REPS2: variants seen among roughly 807,000 people sequenced by gnomAD.
REPS2 encodes ralBP1-associated Eps domain-containing protein 2.
A neutral mutation model predicts 53.6 loss-of-function variants in REPS2; 23 were observed. That is an observed-to-expected ratio of 0.43 (90% CI 0.31 to 0.61). The LOEUF (loss-of-function observed/expected upper bound fraction) is 0.61. REPS2 is among the 20% of genes least tolerant of loss of function. REPS2 has a pLI of 0.11. For synonymous variants in REPS2, 238 were observed against 218.6 expected (o/e 1.09, Z -0.78); for missense variants, 446 against 534.9 (o/e 0.83, Z 1.64).
At position 17,125,725 on chromosome X, in the gene REPS2, G is replaced by A. The variant is rs776333232; in HGVS notation, c.1579-8099G>A. Among the ~76,000 whole-genome samples the A allele has an allele frequency of 2.7e-5, 3 of 113,092 alleles. No homozygotes were observed. The South Asian group carries it at 1.1e-3, about 41-fold the overall frequency. Reference sequence around the variant, plus strand: ...ATGGGCGAACTAACCCAGTTATGTTGCAGAGGTAAATTGGAGCCAGAGGAT... The same window carrying A: ...ATGGGCGAACTAACCCAGTTATGTTACAGAGGTAAATTGGAGCCAGAGGAT... On this transcript the variant is annotated intron_variant, in intron 14 of 17. Transcript: ENST00000357277.
rs2063564625 is a variant in REPS2, at chrX:17,151,032, C to T, written c.*3551C>T. 1 of 112,345 alleles carries T rather than the reference C, an allele frequency of 8.9e-6. No individual in the cohort carries two copies. Among genetic ancestry groups the T allele is most frequent in the Non-Finnish European group, 1.9e-5 (1 of 53,258 alleles). The allele number at this position is 112,345 out of a possible 1,213,427, so 9.3% of individuals were successfully genotyped here. A position where few individuals can be genotyped will look rare whatever the true frequency, so the allele number is the denominator to read the frequency against. ...GAGCTATTTGTTTTCCTGAACACCT[C>T]ACCTTTTATGATGCAATAAGTTACT... On this transcript the variant is annotated 3_prime_UTR_variant, in exon 18 of 18. Transcript: ENST00000357277.
intron 1 of REPS2, among the ~76,000 whole-genome samples, chrX:16,951,930 A>T (rs2060519540): frequency 8.9e-6 from 1 of 111,848 alleles, no homozygotes; most frequent in Non-Finnish European, 1.9e-5. Flanking sequence ...TTAAAATTCA[A>T]AAATGGGAAC....
intron 1 of REPS2, among the ~76,000 whole-genome samples, chrX:17,002,799 G>A (rs1250221854): frequency 1.8e-5 from 2 of 112,003 alleles, no homozygotes; most frequent in Non-Finnish European, 3.8e-5. Context: ...CTAGGGCCAG[G>A]ATAAAGAATG....
chrX:17,117,606 A>G (rs2063073680), intron 14 of REPS2, among the ~76,000 whole-genome samples: 1 of 110,918 alleles, frequency 9.0e-6, no homozygotes, highest in African/African-American at 3.3e-5. Context: ...ACATGAACTC[A>G]TCATTTTTTA....
intron 1 of REPS2, among the ~76,000 whole-genome samples, chrX:16,996,374 C>T (rs1172862856): frequency 9.0e-6 from 1 of 111,537 alleles, no homozygotes; most frequent in Non-Finnish European, 1.9e-5. Context: ...CATGGTGATG[C>T]AGGGGACCTG....
chrX:16,962,656 G>A (rs971105009), intron 1 of REPS2, among the ~76,000 whole-genome samples: 8 of 111,725 alleles, frequency 7.2e-5, no homozygotes, highest in African/African-American at 2.6e-4. Context: ...GTAGATTTTA[G>A]GTGCTCTTAC....
At chrX:17,055,896 C>A (rs1238532431) in intron 8 of REPS2, among the ~76,000 whole-genome samples, 1 of 100,204 alleles carries the variant, frequency 1.0e-5, no homozygotes, top group African/African-American at 3.7e-5. Flanking sequence ...CTAGATGACA[C>A]GTTAGTGGGT....
intron 1 of REPS2, among the ~76,000 whole-genome samples, chrX:16,972,966 C>T (rs2060912677): frequency 9.0e-6 from 1 of 111,486 alleles, no homozygotes; most frequent in African/African-American, 3.3e-5. Flanking sequence ...TGGTCTATTT[C>T]TGTTCTAGGA....
intron 1 of REPS2, among the ~76,000 whole-genome samples, chrX:16,989,309 A>G (rs1006714141): frequency 4.5e-5 from 5 of 111,674 alleles, no homozygotes; most frequent in African/African-American, 1.6e-4. Context: ...AATAACTCCA[A>G]ATGTATCACA....
intron 1 of REPS2, among the ~76,000 whole-genome samples, chrX:16,965,129 G>A (rs1176672400): frequency 3.8e-4 from 29 of 76,783 alleles, no homozygotes; most frequent in African/African-American, 9.5e-4. Context: ...GCGGCTGGCC[G>A]GGTGGGGGGC....
intron 14 of REPS2, among the ~76,000 whole-genome samples, chrX:17,122,757 A>G (rs1163290111): frequency 1.8e-5 from 2 of 112,179 alleles, no homozygotes; most frequent in Non-Finnish European, 3.8e-5. Context: ...CTGGCCAGCT[A>G]TTTCTAATTG....
At position 16,947,053 on chromosome X, in the gene REPS2, C is replaced by T; in HGVS notation, c.192C>T (p.Ala64=). 1 of 1,036,838 alleles carries T rather than the reference C, an allele frequency of 9.6e-7. No individual in the cohort carries two copies. Among genetic ancestry groups the T allele is most frequent in the Non-Finnish European group, 1.2e-6 (1 of 812,907 alleles). 85.4% of individuals were successfully genotyped at this position (1,036,838 alleles called of 1,213,427 possible). A position where few individuals can be genotyped will look rare whatever the true frequency, so the allele number is the denominator to read the frequency against. Residue 64 remains alanine, a synonymous_variant, in exon 1 of 18, where the codon GCC becomes GCT. Coordinates refer to ENST00000357277, the MANE Select transcript of REPS2 (RefSeq NM_004726.3). ...GGCCCCCCGAGGCCGCCAGAGTCGCCCCCGGCACGGCCACTGCGGCCGCCG... is the reference window on the plus strand; with the variant it reads ...GGCCCCCCGAGGCCGCCAGAGTCGCTCCCGGCACGGCCACTGCGGCCGCCG... ...GSGPPEAARV[A]PGTATAAAGP... is the part of the protein sequence containing the mutation.
chrX:17,112,904 C>A (rs747242478), intron 14 of REPS2, among the ~76,000 whole-genome samples: 2 of 106,802 alleles, frequency 1.9e-5, no homozygotes, highest in Non-Finnish European at 3.8e-5. Flanking sequence ...CTGGCTAACA[C>A]GGGAAACTCC....
intron 13 of REPS2, among the ~76,000 whole-genome samples, chrX:17,100,483 G>A (rs961338717): frequency 5.3e-5 from 6 of 112,170 alleles, no homozygotes; most frequent in Non-Finnish European, 9.4e-5. Context: ...CGCAGGCCTC[G>A]GCTAATGGCC....
the REPS2 span, among the ~76,000 whole-genome samples, chrX:17,169,958 A>G: frequency 8.9e-6 from 1 of 112,530 alleles, no homozygotes; most frequent in South Asian, 3.7e-4. Flanking sequence ...TACCCAGGCA[A>G]TCTTACACCC....
At chrX:17,026,451 T>TG (rs1044631106) in intron 4 of REPS2, among the ~76,000 whole-genome samples, 3 of 106,375 alleles carry the variant, frequency 2.8e-5, no homozygotes, top group African/African-American at 1.0e-4. Flanking sequence ...TTTTCAGGAG[T>TG]GGGTTTTTTT....
At chrX:17,103,141 T>C (rs1480629644) in intron 13 of REPS2, among the ~76,000 whole-genome samples, 1 of 111,965 alleles carries the variant, frequency 8.9e-6, no homozygotes, top group African/African-American at 3.3e-5. Flanking sequence ...TGATAATAAA[T>C]ATTAGGGAGA....
chrX:17,035,015 A>G (rs2061749874), intron 5 of REPS2, among the ~76,000 whole-genome samples: 2 of 110,657 alleles, frequency 1.8e-5, no homozygotes, highest in South Asian at 7.9e-4. Flanking sequence ...TCCCCTAGAT[A>G]TAACTGCAGG....
the REPS2 span, among the ~76,000 whole-genome samples, chrX:17,181,097 C>T: frequency 8.9e-6 from 1 of 112,653 alleles, no homozygotes; most frequent in Non-Finnish European, 1.9e-5. Context: ...CTGGACTTCT[C>T]TTCATGATCA....
Sources: allele counts gnomAD v4.1 joint callset (sites outside exome capture counted in the v4.1 genomes callset), GRCh38; gene constraint gnomAD v4.1.1; transcripts MANE v1.5; gene names NCBI Gene and HGNC (gene_info 2026-07-23, HGNC 2026-07-21).